VWDE: variants seen among roughly 807,000 people sequenced by gnomAD.
The protein encoded by VWDE is von Willebrand factor D and EGF domains.
A neutral mutation model predicts 178.4 loss-of-function variants in VWDE; 207 were observed. The ratio of observed to expected loss-of-function variants is 1.16; its 90% CI spans 1.04 to 1.30. The LOEUF is 1.30. Among genes scored for constraint, VWDE ranks in the 50% most tolerant of loss-of-function variants. The probability of loss-of-function intolerance (pLI) is 0.00; values close to 1 mark genes in which losing one functional copy is unlikely to be tolerated. For missense variants in VWDE, 2,287 were observed against 1,901.3 expected, an observed-to-expected ratio of 1.20 and a Z score of -3.77; for synonymous variants, 738 against 651.4, an observed-to-expected ratio of 1.13 and a Z score of -2.02.
intron 13 of VWDE, among the ~76,000 whole-genome samples, chr7:12,365,051 G>C (rs1312115226): frequency 6.6e-6 from 1 of 152,062 alleles, no homozygotes; most frequent in Non-Finnish European, 1.5e-5. Flanking sequence ...GTGTGCAAAA[G>C]ATGAAGAAAG....
chr7:12,382,071 G>A (rs1055591312), intron 4 of VWDE, among the ~76,000 whole-genome samples: 88 of 151,826 alleles, frequency 5.8e-4, no homozygotes, highest in African/African-American at 1.9e-3. Flanking sequence ...ATATTAGTAT[G>A]TATTAAATAT....
chr7:12,392,541 A>C (rs921763551), intron 2 of VWDE, among the ~76,000 whole-genome samples: 1 of 152,322 alleles, frequency 6.6e-6, no homozygotes, highest in African/African-American at 2.4e-5. Context: ...CTTGCATTTG[A>C]AAATCATGCC....
chr7:12,377,304 G>A (rs181965008), intron 7 of VWDE, among the ~76,000 whole-genome samples: 158 of 152,208 alleles, frequency 1.0e-3, no homozygotes, highest in Non-Finnish European at 1.9e-3. Context: ...AAACATAAAC[G>A]TACGTTAGGG....
Position 12,373,099 on chromosome 7 carries a change from T to C in VWDE, c.1465A>G (p.Ile489Val), listed in dbSNP as rs1487697304. The change falls in exon 10 of 29, where the codon ATA (isoleucine) becomes GTA (valine). Residue 489 changes from isoleucine (I) to valine (V), a missense_variant. Ile to Val is a conservative substitution (Grantham distance 29). Transcript: ENST00000275358. ...CGFVAQEGGD[I>V]VTFDMCNGQL... ...CCATTGCACATATCAAAAGTAACTA[T>C]ATCACCTCCTTCCTGGGCAACAAAC... 1 of 1,551,304 alleles carries C rather than the reference T, an allele frequency of 6.4e-7. No individual in the cohort carries two copies. The highest frequency in any genetic ancestry group is 8.7e-7 in the Non-Finnish European group (1 of 1,146,776).
In VWDE at chr7:12,372,987, C is replaced by T. The variant is rs1472941086; in HGVS notation, c.1577G>A (p.Arg526Lys). ...AAGAATCATACATACTGTGACTTTT[C>T]TTCCTAAGTAAGATTCACTTATCTT... ...NIKISESYLGRKVTIWFSSGA... is the reference protein window; with the variant it reads ...NIKISESYLGKKVTIWFSSGA... Residue 526 changes from arginine to lysine, a missense_variant, in exon 10 of 29, where the codon AGA (arginine) becomes AAA (lysine). By Grantham distance (26) the Arg-to-Lys change is conservative. Transcript: ENST00000275358. 18 of 1,550,790 alleles carry T rather than the reference C, an allele frequency of 1.2e-5. No individual in the cohort carries two copies. The highest frequency in any genetic ancestry group is 1.5e-5 in the Non-Finnish European group (17 of 1,146,542).
intron 24 of VWDE, among the ~76,000 whole-genome samples, chr7:12,338,509 A>C (rs1781155595): frequency 2.0e-5 from 3 of 152,264 alleles, no homozygotes; most frequent in Non-Finnish European, 4.4e-5. Context: ...ATCTTGCTAT[A>C]ATTAATCATC....
intron 19 of VWDE, among the ~76,000 whole-genome samples, chr7:12,345,413 C>T (rs1781550122): frequency 6.6e-6 from 1 of 152,060 alleles, no homozygotes; most frequent in African/African-American, 2.4e-5. Flanking sequence ...ATACCATCTC[C>T]ATAATACCCA....
Position 12,367,403 on chromosome 7 carries a change from C to A in VWDE, c.2852G>T (p.Gly951Val). ...TTTAATTGAAGGTAATTCTTTGAAG[C>A]CTTTGCCAAAAACTCTCACCATCAT... Reference protein sequence around the residue: ...NCMMVRVFGKGFKELPSIKCE... With the variant: ...NCMMVRVFGKVFKELPSIKCE... The change falls in exon 13 of 29, where the codon GGC (glycine) becomes GTC (valine). Residue 951 changes from glycine (G) to valine (V), a missense_variant. By Grantham distance (109) the Gly-to-Val change is moderately radical (BLOSUM62 -3). Transcript: ENST00000275358. 6.5e-7 allele frequency: 1 copy of A among 1,546,790 alleles called. No individual in the cohort carries two copies. Among genetic ancestry groups the A allele is most frequent in the Non-Finnish European group, 8.7e-7 (1 of 1,144,498 alleles).
rs1368045038 is a variant in VWDE at position 12,336,189 on chromosome 7, T to G, written c.4606A>C (p.Ser1536Arg). Reference sequence around the variant, plus strand: ...CAGGAGGAAGGACAATGGCATATGCTGGGCGCAATGCATTCACCACCGTTT... The same window carrying G: ...CAGGAGGAAGGACAATGGCATATGCGGGGCGCAATGCATTCACCACCGTTT... ...CKNGGECIAPSICHCPSSWEG... is the reference protein window; with the variant it reads ...CKNGGECIAPRICHCPSSWEG... The change falls in exon 27 of 29, where the codon AGC becomes CGC. Residue 1536 changes from serine (S) to arginine (R), a missense_variant. Physicochemically the swap from Ser to Arg is moderately radical, Grantham distance 110. Coordinates refer to ENST00000275358, the MANE Select transcript of VWDE (RefSeq NM_001135924.3). The G allele has an allele frequency of 1.3e-6, 2 of 1,551,508 alleles. No homozygotes were observed. The highest frequency in any genetic ancestry group is 8.7e-7 in the Non-Finnish European group (1 of 1,146,900).
At chr7:12,393,042 G>T (rs568127912) in intron 2 of VWDE, among the ~76,000 whole-genome samples, 9 of 152,258 alleles carry the variant, frequency 5.9e-5, no homozygotes, top group Admixed American at 5.2e-4. Flanking sequence ...ATTGTGATCA[G>T]AAAATACCTG....
At chr7:12,331,741 A>G (rs1394469906) in intron 28 of VWDE, among the ~76,000 whole-genome samples, 1 of 152,104 alleles carries the variant, frequency 6.6e-6, no homozygotes, top group Admixed American at 6.6e-5. Flanking sequence ...ACTGAGACTG[A>G]GGGGGTTAAA....
Position 12,380,344 on chromosome 7 carries a change from T to C in VWDE, c.789+142A>G, listed in dbSNP as rs981945027. The C allele has an allele frequency of 9.2e-6, 10 of 1,091,486 alleles. No individual in the cohort carries two copies. The African/African-American group carries it at 1.4e-4, about 16-fold the overall frequency. 67.6% of individuals were successfully genotyped at this position (1,091,486 alleles called of 1,614,324 possible). A position where few individuals can be genotyped will look rare whatever the true frequency, so the allele number is the denominator to read the frequency against. On this transcript the variant is annotated intron_variant, in intron 5 of 28. Coordinates refer to ENST00000275358, the MANE Select transcript of VWDE (RefSeq NM_001135924.3). Reference sequence around the variant, plus strand: ...CAGTTATCACGAGAATTAGCACAATTGCAAGGAAAAAAAAACAAAAAGAAA... The same window carrying C: ...CAGTTATCACGAGAATTAGCACAATCGCAAGGAAAAAAAAACAAAAAGAAA...
chr7:12,403,047 T>G (rs960265947), intron 1 of VWDE, among the ~76,000 whole-genome samples: 8 of 152,204 alleles, frequency 5.3e-5, no homozygotes, highest in African/African-American at 1.7e-4. Context: ...CACTGTATTT[T>G]AAACTAAATG....
chr7:12,332,399 A>G (rs114875258), intron 28 of VWDE, among the ~76,000 whole-genome samples: 1,558 of 151,938 alleles, frequency 0.01, 38 homozygotes, highest in African/African-American at 0.036. Context: ...GATAAAGATG[A>G]TTTGCTATTG....
At chr7:12,392,151 G>C (rs577389943) in intron 2 of VWDE, among the ~76,000 whole-genome samples, 27 of 152,338 alleles carry the variant, frequency 1.8e-4, no homozygotes, top group Non-Finnish European at 3.4e-4. Context: ...CTTTGGTCAT[G>C]TGACTCATGC....
At chr7:12,373,328 T>C (rs1454467102) in intron 9 of VWDE, 81 bp from the exon 10 acceptor site, 2 of 1,397,202 alleles carry the variant, frequency 1.4e-6, no homozygotes, top group Admixed American at 4.2e-5. Context: ...AACAGCTTTA[T>C]GTATCACGAT....
At chr7:12,399,225 G>C (rs555446516) in intron 1 of VWDE, among the ~76,000 whole-genome samples, 1 of 152,132 alleles carries the variant, frequency 6.6e-6, no homozygotes, top group South Asian at 2.1e-4. Flanking sequence ...GAAAGTAAAA[G>C]GGCAGAAAAT....
intron 1 of VWDE, among the ~76,000 whole-genome samples, chr7:12,401,361 C>G (rs1181179633): frequency 6.6e-6 from 1 of 152,078 alleles, no homozygotes; most frequent in Non-Finnish European, 1.5e-5. Flanking sequence ...ATTATTTCCA[C>G]GACCCACAGA....
rs1425029909 is a variant in VWDE, at chr7:12,389,436, T to C, written c.244-78A>G. ...GTAGATATATCAACTTTGCATTTTA[T>C]TCTAATCAAGCCTTAAAATATCATT... On this transcript the variant is annotated intron_variant, in intron 2 of 28. Coordinates refer to ENST00000275358, the MANE Select transcript of VWDE (RefSeq NM_001135924.3). The C allele has an allele frequency of 3.8e-6, 4 of 1,042,298 alleles. No homozygotes were observed. In the East Asian group the frequency reaches 7.9e-5, roughly 21 times the overall value. 64.6% of individuals were successfully genotyped at this position (1,042,298 alleles called of 1,614,324 possible).
Sources: gnomAD v4.1 joint callset for allele counts (sites outside exome capture counted in the v4.1 genomes callset) on GRCh38, gnomAD v4.1.1 for gene constraint, MANE v1.5 for transcripts, NCBI Gene and HGNC (gene_info 2026-07-23, HGNC 2026-07-21) for gene names.